Variants in SH3RF3 observed in about 807,000 individuals in gnomAD.
The protein encoded by SH3RF3 is E3 ubiquitin-protein ligase SH3RF3.
Under a neutral mutation model 66.3 loss-of-function variants are expected in SH3RF3, and 29 were observed. The observed-to-expected ratio is 0.44, with a 90% CI of 0.33 to 0.60. The LOEUF (loss-of-function observed/expected upper bound fraction) is 0.60. Among genes scored for constraint, SH3RF3 ranks in the 20% least tolerant of loss-of-function variants. The pLI, the probability that SH3RF3 is intolerant of heterozygous loss-of-function variation, is 0.04. For synonymous variants in SH3RF3, 583 were observed against 532.0 expected (o/e 1.10, Z -1.32); for missense variants, 1,194 against 1,190.9 (o/e 1.00, Z -0.04).
intron 5 of SH3RF3, among the ~76,000 whole-genome samples, chr2:109,426,691 G>C (rs558077170): frequency 1.3e-5 from 2 of 152,320 alleles, no homozygotes; most frequent in South Asian, 2.1e-4. Flanking sequence ...GGGTTTAAGA[G>C]GATTGCCTCC....
chr2:109,430,734 G>T (rs1321750581), intron 5 of SH3RF3, among the ~76,000 whole-genome samples: 1 of 152,176 alleles, frequency 6.6e-6, no homozygotes, highest in East Asian at 1.9e-4. Context: ...CCTAGACATA[G>T]CATTGAAACT....
At chr2:109,171,798 C>A (rs897761414) in intron 1 of SH3RF3, among the ~76,000 whole-genome samples, 2 of 152,236 alleles carry the variant, frequency 1.3e-5, no homozygotes, top group Admixed American at 6.5e-5. Context: ...TCACTTGCAG[C>A]GGGGAGTGGC....
At chr2:109,188,708 C>T (rs574096494) in intron 1 of SH3RF3, among the ~76,000 whole-genome samples, 1 of 152,276 alleles carries the variant, frequency 6.6e-6, no homozygotes, top group South Asian at 2.1e-4. Flanking sequence ...CACCTCCCAC[C>T]ACGTGGTGCT....
chr2:109,449,382 A>C lies in SH3RF3; in HGVS notation c.2041A>C (p.Ser681Arg), dbSNP rs1257768721. 10 of 1,611,820 alleles carry C rather than the reference A, an allele frequency of 6.2e-6. No individual in the cohort carries two copies. Among genetic ancestry groups the C allele is most frequent in the Non-Finnish European group, 8.5e-6 (10 of 1,178,888 alleles). The part of the protein sequence containing the change: ...AASAITPPNV[S>R]AANLNGEAGG... ...ATCAGCCATCACACCTCCCAACGTC[A>C]GTGCCGCAAACCTCAACGGGGAGGC... is the stretch of plus-strand genomic sequence containing the variant. The change falls in exon 8 of 10, where the codon AGT (serine) becomes CGT (arginine). Residue 681 changes from serine to arginine, a missense_variant. Transcript: ENST00000309415.
At chr2:109,250,925 T>A (rs1235356893) in intron 1 of SH3RF3, among the ~76,000 whole-genome samples, 1 of 152,086 alleles carries the variant, frequency 6.6e-6, no homozygotes, top group East Asian at 1.9e-4. Context: ...ATTATCTTTT[T>A]AAATTTCTAA....
At chr2:109,314,378 A>G (rs1681820041) in intron 1 of SH3RF3, among the ~76,000 whole-genome samples, 1 of 152,224 alleles carries the variant, frequency 6.6e-6, no homozygotes, top group Non-Finnish European at 1.5e-5. Context: ...TGAATCCCAT[A>G]GATCTTATAA....
intron 1 of SH3RF3, among the ~76,000 whole-genome samples, chr2:109,140,729 C>A (rs972764622): frequency 6.6e-6 from 1 of 152,056 alleles, no homozygotes; most frequent in African/African-American, 2.4e-5. Flanking sequence ...TTCCCTTCTG[C>A]AAAAGGCCTA....
intron 2 of SH3RF3, among the ~76,000 whole-genome samples, chr2:109,370,195 CTG>C (rs1491009009): frequency 6.0e-4 from 36 of 60,376 alleles, no homozygotes; most frequent in Non-Finnish European, 1.4e-3. Context: ...GTGGTGGTCT[CTG>C]TCTCTGTCTC....
intron 1 of SH3RF3, among the ~76,000 whole-genome samples, chr2:109,256,825 G>C (rs1574533358): frequency 6.6e-6 from 1 of 152,208 alleles, no homozygotes; most frequent in Non-Finnish European, 1.5e-5. Flanking sequence ...GCAGTGCCGG[G>C]TGACAGGTGG....
At chr2:109,133,778 T>C (rs961868588) in intron 1 of SH3RF3, among the ~76,000 whole-genome samples, 1 of 151,850 alleles carries the variant, frequency 6.6e-6, no homozygotes, top group African/African-American at 2.4e-5. Context: ...GACTATTGAA[T>C]TATGGTGCAT....
chr2:109,146,513 C>T (rs1294694284), intron 1 of SH3RF3, among the ~76,000 whole-genome samples: 5 of 152,096 alleles, frequency 3.3e-5, no homozygotes, highest in Non-Finnish European at 5.9e-5. Context: ...GGAGGAAGGG[C>T]ACTTCCTAGC....
At chr2:109,143,067 A>C (rs1676994540) in intron 1 of SH3RF3, among the ~76,000 whole-genome samples, 1 of 152,126 alleles carries the variant, frequency 6.6e-6, no homozygotes, top group Admixed American at 6.5e-5. Context: ...GGTGTCCCTG[A>C]GCCCGGGAAC....
intron 1 of SH3RF3, among the ~76,000 whole-genome samples, chr2:109,332,652 T>C (rs556947222): frequency 6.6e-6 from 1 of 152,260 alleles, no homozygotes; most frequent in South Asian, 2.1e-4. Flanking sequence ...CATCCTCTAA[T>C]TTGCCAGGCA....
At chr2:109,198,049 C>G (rs1038792083) in intron 1 of SH3RF3, among the ~76,000 whole-genome samples, 2 of 152,192 alleles carry the variant, frequency 1.3e-5, no homozygotes, top group Admixed American at 1.3e-4. Context: ...GTGGCTAAGC[C>G]CAGTCCCCAT....
intron 1 of SH3RF3, among the ~76,000 whole-genome samples, chr2:109,193,125 A>G (rs773371187): frequency 1.3e-5 from 2 of 152,236 alleles, no homozygotes; most frequent in African/African-American, 2.4e-5. Flanking sequence ...AACTCACAGC[A>G]GTTGGATTTT....
Position 109,131,903 on chromosome 2 carries a change from G to A in SH3RF3, c.573+1790G>A, listed in dbSNP as rs554054004. Among the ~76,000 whole-genome samples the A allele has an allele frequency of 3.9e-5, 6 of 152,270 alleles. No individual in the cohort carries two copies. In the South Asian group the frequency reaches 1.2e-3, roughly 32 times the overall value. ...AACTAATAAGCAGGAGTCCCGCATG[G>A]TGTATTCACACTACACTAGCACTAT... On this transcript the variant is annotated intron_variant, in intron 1 of 9. Transcript: ENST00000309415.
Position 109,484,296 on chromosome 2 carries a change from A to T in SH3RF3, c.2149-6309A>T, listed in dbSNP as rs182614393. Among the ~76,000 whole-genome samples, 12 of 151,980 alleles carry T rather than the reference A, an allele frequency of 7.9e-5. No individual in the cohort carries two copies. In the East Asian group the frequency reaches 2.3e-3, roughly 29 times the overall value. The stretch of plus-strand genomic sequence containing the variant: ...TGGCCAGGCTGGTCTCGAACTCCTG[A>T]CCTGAGGTGATCCGTCCACCTTGGC... On this transcript the variant is annotated intron_variant, in intron 8 of 9. Transcript: ENST00000309415.
rs11693244 is a variant in SH3RF3 at position 109,171,779 on chromosome 2, C to T, written c.573+41666C>T. On this transcript the variant is annotated intron_variant, in intron 1 of 9. Transcript: ENST00000309415. ...CTGGCTGGCTCCCTGCCGTGCATCC[C>T]GGCCACGCTCACTTGCAGCGGGGAG... Among the ~76,000 whole-genome samples, 68 of 152,356 alleles carry T rather than the reference C, an allele frequency of 4.5e-4. No homozygotes were observed. In the South Asian group the frequency reaches 4.8e-3, roughly 11 times the overall value.
intron 1 of SH3RF3, among the ~76,000 whole-genome samples, chr2:109,317,911 C>T (rs567429351): frequency 6.6e-6 from 1 of 151,992 alleles, no homozygotes; most frequent in African/African-American, 2.4e-5. Context: ...AGCAGCAGCT[C>T]GCTGGCTGCA....
Sources: gnomAD v4.1 joint callset for allele counts (sites outside exome capture counted in the v4.1 genomes callset) on GRCh38, gnomAD v4.1.1 for gene constraint, MANE v1.5 for transcripts, NCBI Gene and HGNC (gene_info 2026-07-23, HGNC 2026-07-21) for gene names.